The following CCDC192 variants were observed in gnomAD, a reference collection of about 807,000 sequenced individuals.
CCDC192 encodes coiled-coil domain-containing protein 192.
intron 3 of CCDC192, among the ~76,000 whole-genome samples, chr5:127,771,509 CTA>C (rs1254634875): frequency 3.9e-5 from 6 of 152,240 alleles, no homozygotes; most frequent in African/African-American, 1.2e-4. Context: ...ATGGAAATGT[CTA>C]TGTCATGTTT....
At chr5:127,914,453 A>G (rs760352721) in intron 6 of CCDC192, among the ~76,000 whole-genome samples, 4 of 152,196 alleles carry the variant, frequency 2.6e-5, no homozygotes, top group Admixed American at 6.5e-5. Context: ...ATAGCCTCCC[A>G]TCAGTTCATA....
At chr5:127,864,857 A>G (rs1014886863) in intron 5 of CCDC192, among the ~76,000 whole-genome samples, 7 of 152,200 alleles carry the variant, frequency 4.6e-5, no homozygotes, top group African/African-American at 1.2e-4. Flanking sequence ...AAAAATAACT[A>G]TATATAATGG....
At chr5:127,745,309 A>G (rs1418695680) in intron 2 of CCDC192, among the ~76,000 whole-genome samples, 1 of 152,222 alleles carries the variant, frequency 6.6e-6, no homozygotes, top group Non-Finnish European at 1.5e-5. Context: ...ACTGGAATAG[A>G]TTAAGAAATC....
chr5:127,793,857 T>C (rs1757017986), intron 3 of CCDC192, among the ~76,000 whole-genome samples: 1 of 152,212 alleles, frequency 6.6e-6, no homozygotes, highest in Non-Finnish European at 1.5e-5. Context: ...AGAATACTTT[T>C]GGCAACAGGT....
At chr5:127,832,029 C>G (rs1749820900) in intron 5 of CCDC192, among the ~76,000 whole-genome samples, 1 of 150,542 alleles carries the variant, frequency 6.6e-6, no homozygotes, top group African/African-American at 2.4e-5. Context: ...AAATATGAAC[C>G]CTGGCAAATC....
chr5:127,728,633 A>T (rs1752467467), intron 2 of CCDC192, among the ~76,000 whole-genome samples: 1 of 152,244 alleles, frequency 6.6e-6, no homozygotes, highest in Non-Finnish European at 1.5e-5. Context: ...AAGCAACTAC[A>T]TTAACAAGTC....
chr5:127,909,671 G>T (rs1379187112), intron 6 of CCDC192, among the ~76,000 whole-genome samples: 2 of 151,734 alleles, frequency 1.3e-5, no homozygotes, highest in Non-Finnish European at 2.9e-5. Context: ...TTCTGAGCTT[G>T]GTCCAGGGCA....
intron 3 of CCDC192, among the ~76,000 whole-genome samples, chr5:127,756,507 G>A (rs1006408927): frequency 1.6e-4 from 25 of 152,204 alleles, no homozygotes; most frequent in African/African-American, 5.8e-4. Flanking sequence ...GGCAGAACTG[G>A]TTGGGGCAGA....
intron 6 of CCDC192, among the ~76,000 whole-genome samples, chr5:127,877,292 G>A (rs1437380609): frequency 6.6e-6 from 1 of 151,968 alleles, no homozygotes; most frequent in Non-Finnish European, 1.5e-5. Flanking sequence ...TAATGGCTTG[G>A]GATAGGGAAG....
intron 6 of CCDC192, among the ~76,000 whole-genome samples, chr5:127,897,737 A>G (rs1392636880): frequency 6.6e-6 from 1 of 152,184 alleles, no homozygotes; most frequent in African/African-American, 2.4e-5. Flanking sequence ...TTGCATTAGA[A>G]TAGGTGTTCT....
At chr5:127,853,316 G>A (rs888523027) in intron 5 of CCDC192, among the ~76,000 whole-genome samples, 1 of 152,106 alleles carries the variant, frequency 6.6e-6, no homozygotes, top group African/African-American at 2.4e-5. Context: ...ATTCAAAAAT[G>A]TTAAAATTCT....
intron 3 of CCDC192, 97 bp downstream of exon 3, chr5:127,754,472 TACACAC>T (rs368830307): frequency 1.8e-5 from 6 of 327,184 alleles, no homozygotes; most frequent in East Asian, 1.8e-4. Context: ...CCTCTACTGA[TACACAC>T]ACACACACAC....
At chr5:127,752,888 C>T (rs372176721) in intron 2 of CCDC192, among the ~76,000 whole-genome samples, 168 of 152,286 alleles carry the variant, frequency 1.1e-3, no homozygotes, top group African/African-American at 1.6e-3. Flanking sequence ...AGGTGCCGTT[C>T]GTCACCCCTT....
chr5:127,783,794 T>C (rs953215248), intron 3 of CCDC192, among the ~76,000 whole-genome samples: 3 of 152,208 alleles, frequency 2.0e-5, no homozygotes, highest in African/African-American at 7.2e-5. Context: ...TAAGTAATTG[T>C]TTTACAAATT....
chr5:127,865,206 A>G (rs975717333), intron 5 of CCDC192, among the ~76,000 whole-genome samples: 3 of 152,184 alleles, frequency 2.0e-5, no homozygotes, highest in African/African-American at 7.2e-5. Context: ...CTCTCCACCT[A>G]TGAAACATGG....
intron 5 of CCDC192, among the ~76,000 whole-genome samples, chr5:127,874,064 C>T (rs571231970): frequency 6.6e-6 from 1 of 152,212 alleles, no homozygotes; most frequent in African/African-American, 2.4e-5. Flanking sequence ...GACTATCAGC[C>T]TTCATGTTTC....
At chr5:127,803,017 G>A (rs1420975204) in intron 5 of CCDC192, among the ~76,000 whole-genome samples, 1 of 152,044 alleles carries the variant, frequency 6.6e-6, no homozygotes, top group Admixed American at 6.6e-5. Flanking sequence ...AAATAGCAGA[G>A]AAAGAAAACA....
intron 6 of CCDC192, among the ~76,000 whole-genome samples, chr5:127,933,828 T>C (rs945127391): frequency 1.3e-5 from 2 of 152,204 alleles, no homozygotes; most frequent in African/African-American, 2.4e-5. Flanking sequence ...GGGAGCCTAT[T>C]GGCTTTTCCA....
At chr5:127,740,285 G>C (rs941290218) in intron 2 of CCDC192, 1 of 152,190 alleles carries the variant, frequency 6.6e-6, no homozygotes, top group African/African-American at 2.4e-5. Context: ...GAAGCATTTT[G>C]ATTGCAAGAC....
Sources: allele counts gnomAD v4.1 joint callset (sites outside exome capture counted in the v4.1 genomes callset), GRCh38; gene constraint gnomAD v4.1.1; transcripts MANE v1.5; gene names NCBI Gene and HGNC (gene_info 2026-07-23, HGNC 2026-07-21).